Variants in CHRM3 observed in about 807,000 individuals in gnomAD.
The protein encoded by CHRM3 is muscarinic acetylcholine receptor M3.
CHRM3 carries 11 observed loss-of-function variants against 41.8 expected under a neutral mutation model. The ratio of observed to expected loss-of-function variants is 0.26; its 90% CI spans 0.17 to 0.44. The LOEUF is 0.44. Among genes scored for constraint, CHRM3 ranks in the 20% least tolerant of loss-of-function variants. The pLI, the probability that CHRM3 is intolerant of heterozygous loss-of-function variation, is 1.00. For missense variants in CHRM3, 571 were observed against 745.4 expected (o/e 0.77, Z 2.72); for synonymous variants, 297 against 301.4 (o/e 0.99, Z 0.15).
In CHRM3 at chr1:239,508,395, A is replaced by G. The variant is rs1029228796; in HGVS notation, c.-422+15588A>G. ...TGTTTAAGTGCCAAATTTGACCATA[A>G]AGGAATTCTTTGTGTTTTTCATTGA... On this transcript the variant is annotated intron_variant, in intron 2 of 6. Transcript: ENST00000676153. 3.3e-5 allele frequency among the ~76,000 whole-genome samples: 5 copies of G among 152,292 alleles called. No individual in the cohort carries two copies. In the East Asian group the frequency reaches 5.8e-4, roughly 18 times the overall value.
At chr1:239,800,668 G>T (rs1670141426) in intron 5 of CHRM3, among the ~76,000 whole-genome samples, 1 of 152,166 alleles carries the variant, frequency 6.6e-6, no homozygotes. Flanking sequence ...GTGTAACAGG[G>T]ATCTGGTGGA....
At chr1:239,422,891 T>C (rs1662068020) in intron 1 of CHRM3, among the ~76,000 whole-genome samples, 1 of 152,038 alleles carries the variant, frequency 6.6e-6, no homozygotes. Context: ...CATTAACACA[T>C]GAGAGCAATG....
chr1:239,801,901 A>C lies in CHRM3; in HGVS notation c.-146-25351A>C, dbSNP rs373877696. ...ATTACTTTCATGTTTGTGATGCCAG[A>C]TATGCACTGAGCTCATCCTGGGACA... is the stretch of plus-strand genomic sequence containing the variant. On this transcript the variant is annotated intron_variant, in intron 5 of 6. Transcript: ENST00000676153. 2.6e-4 allele frequency among the ~76,000 whole-genome samples: 40 copies of C among 152,246 alleles called. 1 individual carries two copies. In the East Asian group the frequency reaches 6.4e-3, roughly 24 times the overall value.
chr1:239,673,723 A>G (rs1269933295), intron 4 of CHRM3, among the ~76,000 whole-genome samples: 1 of 152,086 alleles, frequency 6.6e-6, no homozygotes, highest in East Asian at 1.9e-4. Context: ...TCATCAGAGC[A>G]TATAATTTTA....
intron 5 of CHRM3, among the ~76,000 whole-genome samples, chr1:239,689,289 A>G (rs1372103416): frequency 5.3e-5 from 8 of 152,076 alleles, no homozygotes; most frequent in African/African-American, 1.2e-4. Context: ...GAAGGATTCT[A>G]TATTGAAATG....
chr1:239,649,724 C>T lies in CHRM3; in HGVS notation c.-250+17438C>T, dbSNP rs987730234. Among the ~76,000 whole-genome samples the T allele has an allele frequency of 8.5e-5, 13 of 152,158 alleles. No homozygotes were observed. In the South Asian group the frequency reaches 1.7e-3, roughly 19 times the overall value. ...AGAGGACTACTGCAGGAGTAGAGAT[C>T]TTGAGTGCGAGAGAAGGATAGTGGG... On this transcript the variant is annotated intron_variant, in intron 4 of 6. Transcript: ENST00000676153.
intron 1 of CHRM3, among the ~76,000 whole-genome samples, chr1:239,444,159 C>T (rs149055795): frequency 1.6e-3 from 250 of 152,166 alleles, no homozygotes; most frequent in Middle Eastern, 3.4e-3. Context: ...GGAAAACGCC[C>T]GAGGCTGGCT....
At chr1:239,681,957 C>T (rs1250327297) in intron 5 of CHRM3, among the ~76,000 whole-genome samples, 1 of 152,158 alleles carries the variant, frequency 6.6e-6, no homozygotes, top group Non-Finnish European at 1.5e-5. Context: ...CTTCTTTATT[C>T]TAAATTATTT....
At chr1:239,531,691 G>T (rs774181593) in intron 2 of CHRM3, among the ~76,000 whole-genome samples, 1 of 109,844 alleles carries the variant, frequency 9.1e-6, no homozygotes, top group Non-Finnish European at 1.7e-5. Context: ...GCAGAGTCTC[G>T]CTCTGTCGCC....
intron 3 of CHRM3, among the ~76,000 whole-genome samples, chr1:239,564,044 T>G (rs1661127183): frequency 6.6e-6 from 1 of 152,200 alleles, no homozygotes; most frequent in Admixed American, 6.5e-5. Context: ...CCGAGATTCT[T>G]TAATGAGACA....
At chr1:239,398,481 C>G (rs1659687434) in intron 1 of CHRM3, among the ~76,000 whole-genome samples, 1 of 151,882 alleles carries the variant, frequency 6.6e-6, no homozygotes, top group African/African-American at 2.4e-5. Context: ...AGTGATCTGC[C>G]CGCCTCGGCC....
chr1:239,585,494 G>A (rs1339711329), intron 3 of CHRM3, among the ~76,000 whole-genome samples: 1 of 152,152 alleles, frequency 6.6e-6, no homozygotes, highest in East Asian at 1.9e-4. Context: ...TTAGAGATGT[G>A]TGGAAGAAAC....
intron 5 of CHRM3, among the ~76,000 whole-genome samples, chr1:239,774,071 G>A (rs929297856): frequency 7.2e-5 from 11 of 152,100 alleles, no homozygotes; most frequent in African/African-American, 2.4e-4. Flanking sequence ...AAAATACCAC[G>A]TGTCTCATGG....
At chr1:239,803,833 C>T (rs906798515) in intron 5 of CHRM3, among the ~76,000 whole-genome samples, 1 of 152,176 alleles carries the variant, frequency 6.6e-6, no homozygotes, top group Non-Finnish European at 1.5e-5. Flanking sequence ...AATAGTGGGT[C>T]ACCCACCCAC....
intron 3 of CHRM3, among the ~76,000 whole-genome samples, chr1:239,566,337 A>G (rs1298070715): frequency 1.3e-5 from 2 of 152,206 alleles, no homozygotes; most frequent in East Asian, 3.9e-4. Context: ...TAAGTGAATT[A>G]CCAATGTCCA....
chr1:239,680,854 C>T (rs75725068), intron 5 of CHRM3, among the ~76,000 whole-genome samples: 2,806 of 151,594 alleles, frequency 0.019, 97 homozygotes, highest in African/African-American at 0.065. Flanking sequence ...CCTAAGTGAC[C>T]TTATAAACCA....
chr1:239,704,079 A>T (rs1051040313), intron 5 of CHRM3: 1 of 152,176 alleles, frequency 6.6e-6, no homozygotes, highest in Non-Finnish European at 1.5e-5. Context: ...AGCTTGGTGC[A>T]TTTTAAAGAA....
intron 5 of CHRM3, among the ~76,000 whole-genome samples, chr1:239,808,063 G>A (rs1340470067): frequency 6.6e-6 from 1 of 151,930 alleles, no homozygotes; most frequent in African/African-American, 2.4e-5. Flanking sequence ...ATTCTTTATC[G>A]GTAATCGTCT....
At chr1:239,808,348 A>G (rs1670829194) in intron 5 of CHRM3, among the ~76,000 whole-genome samples, 1 of 152,144 alleles carries the variant, frequency 6.6e-6, no homozygotes. Flanking sequence ...CATTTTATGG[A>G]CAGGATTAAT....
Sources: gnomAD v4.1 joint callset for allele counts (sites outside exome capture counted in the v4.1 genomes callset) on GRCh38, gnomAD v4.1.1 for gene constraint, MANE v1.5 for transcripts, NCBI Gene and HGNC (gene_info 2026-07-23, HGNC 2026-07-21) for gene names.